CEP350: variants seen among roughly 807,000 people sequenced by gnomAD.
The protein encoded by CEP350 is centrosomal protein 350.
A neutral mutation model predicts 331.8 loss-of-function variants in CEP350; 126 were observed. The ratio of observed to expected loss-of-function variants is 0.38; its 90% CI spans 0.33 to 0.44. The LOEUF is 0.44. Among genes scored for constraint, CEP350 ranks in the 20% least tolerant of loss-of-function variants. CEP350 has a pLI of 1.00. For missense variants in CEP350, 3,406 were observed against 3,634.6 expected (o/e 0.94, Z 1.62); for synonymous variants, 1,200 against 1,259.5 (o/e 0.95, Z 1.00).
Position 179,997,048 on chromosome 1 carries a change from A to C in CEP350, c.891A>C (p.Glu297Asp). 1 of 1,614,058 alleles carries C rather than the reference A, an allele frequency of 6.2e-7. No homozygotes were observed. The highest frequency in any genetic ancestry group is 8.5e-7 in the Non-Finnish European group (1 of 1,179,890). ...ERIRKQWEHSEETNGRGQKLG... is the reference protein window; with the variant it reads ...ERIRKQWEHSDETNGRGQKLG... ...TTAGAAAACAGTGGGAACACTCAGA[A>C]GAAACAAATGGCCGGGGCCAGAAGC... The change falls in exon 6 of 38, where the codon GAA becomes GAC. Residue 297 changes from glutamate to aspartate, a missense_variant. Glu to Asp is a conservative substitution (Grantham distance 45, BLOSUM62 2). Transcript: ENST00000367607.
intron 1 of CEP350, among the ~76,000 whole-genome samples, chr1:179,978,855 T>C (rs1359270084): frequency 1.3e-5 from 2 of 152,176 alleles, no homozygotes; most frequent in South Asian, 2.1e-4. Context: ...GGTTACTGTT[T>C]ACATGCAGTT....
At chr1:180,073,637 C>A in intron 27 of CEP350, 1 of 230,144 alleles carries the variant, frequency 4.3e-6, no homozygotes, top group Non-Finnish European at 7.2e-6. Context: ...AAATGTCACA[C>A]AGAGTGTAAT....
At chr1:180,054,290 C>T in intron 24 of CEP350, 125 bp from the exon 25 acceptor site, 1 of 801,950 alleles carries the variant, frequency 1.2e-6, no homozygotes, top group Non-Finnish European at 2.0e-6. Flanking sequence ...CATGTAGCAA[C>T]TGCTTTTCAC....
intron 5 of CEP350, among the ~76,000 whole-genome samples, chr1:179,995,400 A>G (rs1262159841): frequency 6.6e-6 from 1 of 152,146 alleles, no homozygotes; most frequent in Non-Finnish European, 1.5e-5. Context: ...CAGGAGTTCA[A>G]GACCAGCCTG....
intron 37 of CEP350, among the ~76,000 whole-genome samples, chr1:180,101,518 A>G (rs762281094): frequency 2.6e-5 from 4 of 152,150 alleles, no homozygotes; most frequent in Admixed American, 6.5e-5. Flanking sequence ...ATCACCACAC[A>G]AGAAAACTTC....
intron 21 of CEP350, among the ~76,000 whole-genome samples, chr1:180,045,677 T>C (rs1657073572): frequency 6.6e-6 from 1 of 152,196 alleles, no homozygotes. Flanking sequence ...GAACTCCTAA[T>C]ACTTGTCCTC....
At position 180,078,490 on chromosome 1, in the gene CEP350, TAC is replaced by T; in HGVS notation, c.5796_5797del (p.Pro1933SerfsTer8). On this transcript the variant is annotated frameshift_variant, in exon 29 of 38. Transcript: ENST00000367607. LOFTEE classifies it high-confidence loss of function. The stretch of plus-strand genomic sequence containing the variant: ...ATAGCAAGTGAAGAGGAATCTCCAG[TAC>T]CTCTGTACTCTCATCTAAACAGTGA... 1 of 1,613,194 alleles carries T rather than the reference TAC, an allele frequency of 6.2e-7. No individual in the cohort carries two copies. The highest frequency in any genetic ancestry group is 8.5e-7 in the Non-Finnish European group (1 of 1,179,580).
intron 27 of CEP350, chr1:180,073,958 C>G (rs774646732): frequency 4.7e-6 from 6 of 1,289,044 alleles, no homozygotes; most frequent in South Asian, 3.8e-5. Context: ...ATGCTCTGTT[C>G]TTTTTGTTTG....
rs1158546433 is a variant in CEP350 at position 180,004,906 on chromosome 1, GCTTTCTTTCTTT to G, written c.1133-1510_1133-1499del. Among the ~76,000 whole-genome samples the G allele has an allele frequency of 6.0e-3, 787 of 130,858 alleles. 17 individuals carry two copies. Among genetic ancestry groups the G allele is most frequent in the African/African-American group, 0.023 (759 of 32,332 alleles). The allele number at this position is 130,858 out of a possible 152,430, so 85.8% of individuals were successfully genotyped here. A position where few individuals can be genotyped will look rare whatever the true frequency, so the allele number is the denominator to read the frequency against. On this transcript the variant is annotated intron_variant, in intron 7 of 37. Transcript: ENST00000367607. ...TGCTTGCTTGCTTGCTTGCTTGCTT[GCTTTCTTTCTTT>G]CTTTCTTTCTTTCTTTCTTTCTTTC...
intron 22 of CEP350, among the ~76,000 whole-genome samples, chr1:180,051,667 C>T (rs1006510433): frequency 2.0e-5 from 3 of 152,120 alleles, no homozygotes; most frequent in Admixed American, 6.5e-5. Context: ...CAAAATGGAA[C>T]GCAGCCTGCA....
chr1:180,001,298 G>C (rs184055484), intron 6 of CEP350, among the ~76,000 whole-genome samples: 1 of 152,010 alleles, frequency 6.6e-6, no homozygotes, highest in South Asian at 2.1e-4. Flanking sequence ...TCAGTCTGTC[G>C]CCCAGGCTGG....
intron 36 of CEP350, 25 bp from the exon 37 acceptor site, chr1:180,098,838 T>C: frequency 6.2e-7 from 1 of 1,602,024 alleles, no homozygotes; most frequent in Non-Finnish European, 8.5e-7. Flanking sequence ...TGTTTGTGTT[T>C]CGTGTATTTG....
chr1:180,082,933 A>G (rs1273498316), intron 30 of CEP350, among the ~76,000 whole-genome samples: 4 of 152,194 alleles, frequency 2.6e-5, no homozygotes, highest in Admixed American at 1.3e-4. Flanking sequence ...CACCACTAAT[A>G]TAAAACAAGC....
At chr1:180,080,122 C>T (rs1056188794) in intron 29 of CEP350, among the ~76,000 whole-genome samples, 3 of 152,116 alleles carry the variant, frequency 2.0e-5, no homozygotes, top group Non-Finnish European at 2.9e-5. Flanking sequence ...AAACTTCTTA[C>T]GCTCTGTTTT....
Position 180,006,513 on chromosome 1 carries a change from C to A in CEP350, c.1192C>A (p.Pro398Thr). ...EKSKEKKVVK[P>T]VRKVQKVAQL... is the part of the protein sequence containing the mutation. ...AAGTAAAGAGAAGAAAGTAGTCAAG[C>A]CAGTACGAAAAGTCCAAAAAGTAGC... is the stretch of plus-strand genomic sequence containing the variant. The change falls in exon 8 of 38, where the codon CCA (proline) becomes ACA (threonine). Residue 398 changes from proline (P) to threonine (T), a missense_variant. Physicochemically the swap from Pro to Thr is conservative, Grantham distance 38. This residue lies in a region of CEP350 where 1,857 missense variants were observed against 1,909.2 expected (regional missense o/e 0.97). Transcript: ENST00000367607. The A allele has an allele frequency of 6.4e-7, 1 of 1,555,602 alleles. No homozygotes were observed. Among genetic ancestry groups the A allele is most frequent in the African/African-American group, 1.4e-5 (1 of 73,278 alleles).
intron 1 of CEP350, among the ~76,000 whole-genome samples, chr1:179,962,219 A>G (rs1227992271): frequency 1.3e-5 from 2 of 152,054 alleles, no homozygotes; most frequent in Non-Finnish European, 2.9e-5. Context: ...TTTAGACCCC[A>G]CTTACAAGTG....
intron 1 of CEP350, among the ~76,000 whole-genome samples, chr1:179,976,327 A>G (rs1456958197): frequency 6.6e-6 from 1 of 151,828 alleles, no homozygotes; most frequent in Non-Finnish European, 1.5e-5. Context: ...TGAAAGATAA[A>G]AGCAACATTT....
Position 180,054,506 on chromosome 1 carries a change from T to A in CEP350, c.5262+4T>A. 1.3e-6 allele frequency: 2 copies of A among 1,592,396 alleles called. No homozygotes were observed. The highest frequency in any genetic ancestry group is 1.7e-6 in the Non-Finnish European group (2 of 1,168,402). ...TTTAAGGTTGCAGCAAGAAAAGGTA[T>A]GTTAGGGAAGGCACCCCTTTAGGAC... On this transcript the variant is annotated splice_donor_region_variant and intron_variant, in intron 25 of 37. Coordinates refer to ENST00000367607, the MANE Select transcript of CEP350 (RefSeq NM_014810.5).
chr1:180,042,492 A>G (rs767760833), intron 19 of CEP350, among the ~76,000 whole-genome samples: 3 of 152,334 alleles, frequency 2.0e-5, no homozygotes, highest in Non-Finnish European at 4.4e-5. Context: ...AATGTACTAT[A>G]TGTTGGGTAC....
Sources: allele counts gnomAD v4.1 joint callset (sites outside exome capture counted in the v4.1 genomes callset), GRCh38; gene constraint gnomAD v4.1.1; regional missense constraint gnomAD v4.1.1; transcripts MANE v1.5; gene names NCBI Gene and HGNC (gene_info 2026-07-23, HGNC 2026-07-21).